KLHL11: variants seen among roughly 807,000 people sequenced by gnomAD.
The protein encoded by KLHL11 is kelch like family member 11.
Under a neutral mutation model 56.1 loss-of-function variants are expected in KLHL11, and 26 were observed. The ratio of observed to expected loss-of-function variants is 0.46; its 90% confidence interval spans 0.34 to 0.64. The LOEUF (loss-of-function observed/expected upper bound fraction) is 0.64. KLHL11 is among the 30% of genes least tolerant of loss of function. KLHL11 has a pLI of 0.01. For missense variants in KLHL11, 627 were observed against 919.4 expected (o/e 0.68, Z 4.11); for synonymous variants, 338 against 345.8 (o/e 0.98, Z 0.25).
In KLHL11 at chr17:41,851,677, G is replaced by A. The variant is rs1204051983; in HGVS notation, c.*2063C>T. Among the ~76,000 whole-genome samples the A allele has an allele frequency of 2.0e-5, 3 of 151,986 alleles. No individual in the cohort carries two copies. Among genetic ancestry groups the A allele is most frequent in the Admixed American group, 6.6e-5 (1 of 15,240 alleles). ...TCCTAGCACCCTGGGAGGCTGATAC[G>A]GGTGGATCTCCTGAGCCCAGGAGTT... On this transcript the variant is annotated 3_prime_UTR_variant, in exon 2 of 2. Coordinates refer to ENST00000319121, the MANE Select transcript of KLHL11 (RefSeq NM_018143.3).
At position 41,853,703 on chromosome 17, in the gene KLHL11, C is replaced by G. The variant is rs17498875; in HGVS notation, c.*37G>C. The G allele has an allele frequency of 1.2e-5, 18 of 1,553,000 alleles. No individual in the cohort carries two copies. The highest frequency in any genetic ancestry group is 1.5e-5 in the Non-Finnish European group (17 of 1,148,928). On this transcript the variant is annotated 3_prime_UTR_variant, in exon 2 of 2. Coordinates refer to ENST00000319121, the MANE Select transcript of KLHL11 (RefSeq NM_018143.3). ...CCTGGGTATCTTCAGCTTCACGAAACGGGTGTAACAGTTTTAATCGGCACG... is the reference window on the plus strand; with the variant it reads ...CCTGGGTATCTTCAGCTTCACGAAAGGGGTGTAACAGTTTTAATCGGCACG...
At position 41,865,189 on chromosome 17, in the gene KLHL11, C is replaced by T; in HGVS notation, c.182G>A (p.Gly61Glu). Residue 61 changes from glycine (G) to glutamate (E), a missense_variant, in exon 1 of 2, where the codon GGG (glycine) becomes GAG (glutamate). This residue lies in a region of KLHL11 where 121 missense variants were observed against 116.2 expected (regional missense o/e 1.04). Coordinates refer to ENST00000319121, the MANE Select transcript of KLHL11 (RefSeq NM_018143.3). ...CTCGGCTTCTGGGCCCGGATCGCCCCCGCTCGCCTCCATTGCAGAGATCCC... is the reference window on the plus strand; with the variant it reads ...CTCGGCTTCTGGGCCCGGATCGCCCTCGCTCGCCTCCATTGCAGAGATCCC... ...GPGISAMEAS[G>E]GDPGPEAEDF... 1 of 1,609,362 alleles carries T rather than the reference C, an allele frequency of 6.2e-7. No homozygotes were observed. The highest frequency in any genetic ancestry group is 8.5e-7 in the Non-Finnish European group (1 of 1,178,602).
At position 41,849,984 on chromosome 17, in the gene KLHL11, C is replaced by G. The variant is rs1379530338; in HGVS notation, c.*3756G>C. The G allele has an allele frequency of 1.3e-5, 2 of 152,182 alleles. No individual in the cohort carries two copies. The highest frequency in any genetic ancestry group is 2.9e-5 in the Non-Finnish European group (2 of 68,014). 9.4% of individuals were successfully genotyped at this position (152,182 alleles called of 1,614,324 possible). On this transcript the variant is annotated 3_prime_UTR_variant, in exon 2 of 2. Coordinates refer to ENST00000319121, the MANE Select transcript of KLHL11 (RefSeq NM_018143.3). ...TTTGCTTGAATACGCATTAAGCTGTCTTTCTAAAGTCATGTTTTTAACTGC... is the reference window on the plus strand; with the variant it reads ...TTTGCTTGAATACGCATTAAGCTGTGTTTCTAAAGTCATGTTTTTAACTGC...
At chr17:41,861,614 A>G (rs1555623060) in intron 1 of KLHL11, among the ~76,000 whole-genome samples, 6 of 146,458 alleles carry the variant, frequency 4.1e-5, no homozygotes, top group African/African-American at 1.5e-4. Context: ...TGAACCCGGC[A>G]GGCAGAGGTT....
rs1555622414 is a variant in KLHL11 at position 41,855,219 on chromosome 17, G to C, written c.648C>G (p.Thr216=). Residue 216 remains threonine (T), a synonymous_variant, in exon 2 of 2, where the codon ACC becomes ACG. Transcript: ENST00000319121. ...VAIHSLAHMY[T]LSQLALKAAD... is the part of the protein sequence containing the mutation. ...CAGCCTTCAGAGCAAGTTGGCTCAG[G>C]GTGTACATGTGTGCTAAGCTATGAA... 1 of 1,613,852 alleles carries C rather than the reference G, an allele frequency of 6.2e-7. No individual in the cohort carries two copies. Among genetic ancestry groups the C allele is most frequent in the Non-Finnish European group, 8.5e-7 (1 of 1,179,950 alleles).
At chr17:41,858,694 A>C (rs996068268) in intron 1 of KLHL11, among the ~76,000 whole-genome samples, 43 of 152,184 alleles carry the variant, frequency 2.8e-4, no homozygotes, top group African/African-American at 9.9e-4. Context: ...TCGGCCACCC[A>C]AAGTGCTGGG....
At chr17:41,857,643 C>A (rs1555622676) in intron 1 of KLHL11, among the ~76,000 whole-genome samples, 1 of 151,530 alleles carries the variant, frequency 6.6e-6, no homozygotes, top group African/African-American at 2.4e-5. Flanking sequence ...TATAAAAACA[C>A]AAAATAGAGT....
At chr17:41,861,873 C>A (rs1322255088) in intron 1 of KLHL11, among the ~76,000 whole-genome samples, 1 of 152,094 alleles carries the variant, frequency 6.6e-6, no homozygotes, top group Non-Finnish European at 1.5e-5. Flanking sequence ...CAGCAGCACA[C>A]AGACATGCTC....
intron 1 of KLHL11, among the ~76,000 whole-genome samples, chr17:41,864,456 TA>T (rs1481696463): frequency 6.6e-6 from 1 of 152,254 alleles, no homozygotes; most frequent in African/African-American, 2.4e-5. Flanking sequence ...CACGGTCAGT[TA>T]TTTTTTGACA....
At chr17:41,860,618 C>T (rs2048397005) in intron 1 of KLHL11, among the ~76,000 whole-genome samples, 1 of 152,146 alleles carries the variant, frequency 6.6e-6, no homozygotes, top group Non-Finnish European at 1.5e-5. Flanking sequence ...GATGATATGA[C>T]AGAATCAAAC....
Position 41,849,664 on chromosome 17 carries a change from T to C in KLHL11, c.*4076A>G. The C allele has an allele frequency of 6.6e-6, 1 of 151,986 alleles. No individual in the cohort carries two copies. The highest frequency in any genetic ancestry group is 3.2e-3 in the Middle Eastern group (1 of 312). 9.4% of individuals were successfully genotyped at this position (151,986 alleles called of 1,614,324 possible). A position where few individuals can be genotyped will look rare whatever the true frequency, so the allele number is the denominator to read the frequency against. ...TTATGTCATGAATTTTAAGAGTTTT[T>C]AGCAAAAAAGATATTTTTGAACTGG... On this transcript the variant is annotated 3_prime_UTR_variant, in exon 2 of 2. Coordinates refer to ENST00000319121, the MANE Select transcript of KLHL11 (RefSeq NM_018143.3).
At chr17:41,858,404 A>ATAT (rs77155969) in intron 1 of KLHL11, among the ~76,000 whole-genome samples, 13 of 66,944 alleles carry the variant, frequency 1.9e-4, no homozygotes, top group African/African-American at 5.1e-4. Flanking sequence ...ATATATATAT[A>ATAT]TTTTTTGTTG....
Position 41,865,344 on chromosome 17 carries a change from CGCCGCCGCCACTGCCGCA to C in KLHL11, c.9_26del (p.Val6_Ala11del). The stretch of plus-strand genomic sequence containing the variant: ...GAGATGCAGCCGCGGCCGCCGCCGC[CGCCGCCGCCACTGCCGCA>C]GCCGCCATCTTGACGCCGCTGCGCC... On this transcript the variant is annotated inframe_deletion, in exon 1 of 2. Transcript: ENST00000319121. 2.1e-6 allele frequency: 3 copies of C among 1,440,962 alleles called. No homozygotes were observed. Among genetic ancestry groups the C allele is most frequent in the Non-Finnish European group, 2.7e-6 (3 of 1,110,650 alleles). The allele number at this position is 1,440,962 out of a possible 1,614,324, so 89.3% of individuals were successfully genotyped here. A position where few individuals can be genotyped will look rare whatever the true frequency, so the allele number is the denominator to read the frequency against.
chr17:41,865,263 C>T lies in KLHL11; in HGVS notation c.108G>A (p.Leu36=), dbSNP rs1567876555. The part of the protein sequence containing the change: ...METAAAGSAG[L]AAEVRGSGTV... ...TGCCGCTGCCTCGGACCTCGGCGGC[C>T]AGTCCTGCCGAGCCGGCGGCGGCCG... Residue 36 remains leucine (L), a synonymous_variant, in exon 1 of 2, where the codon CTG becomes CTA. Transcript: ENST00000319121. 2.5e-6 allele frequency: 4 copies of T among 1,583,154 alleles called. No individual in the cohort carries two copies. The highest frequency in any genetic ancestry group is 1.7e-5 in the Admixed American group (1 of 57,420).
In KLHL11 at chr17:41,864,924, G is replaced by A; in HGVS notation, c.447C>T (p.Pro149=). The A allele has an allele frequency of 6.2e-7, 1 of 1,610,660 alleles. No homozygotes were observed. The highest frequency in any genetic ancestry group is 8.5e-7 in the Non-Finnish European group (1 of 1,178,870). The change falls in exon 1 of 2, where the codon CCC becomes CCT. Residue 149 remains proline (P), a synonymous_variant. Transcript: ENST00000319121. ...TTACGGCTTCCACTGTGTCGGGTTCGGGCCCCGGCTCGGAGCTCCACTTGC... is the reference window on the plus strand; with the variant it reads ...TTACGGCTTCCACTGTGTCGGGTTCAGGCCCCGGCTCGGAGCTCCACTTGC... ...EMRKWSSEPG[P]EPDTVEAVIE...
At chr17:41,862,911 C>T (rs2048413536) in intron 1 of KLHL11, among the ~76,000 whole-genome samples, 1 of 152,190 alleles carries the variant, frequency 6.6e-6, no homozygotes, top group African/African-American at 2.4e-5. Context: ...ATCTTACTCC[C>T]AAACAGGCTC....
At position 41,852,428 on chromosome 17, in the gene KLHL11, C is replaced by A. The variant is rs767874876; in HGVS notation, c.*1312G>T. ...AATATAACAATCAGAAATAATAAGG[C>A]TTCTCTTTAGCAACATTTCTCTAAA... On this transcript the variant is annotated 3_prime_UTR_variant, in exon 2 of 2. Transcript: ENST00000319121. 6.6e-6 allele frequency among the ~76,000 whole-genome samples: 1 copy of A among 152,122 alleles called. No homozygotes were observed. The highest frequency in any genetic ancestry group is 1.5e-5 in the Non-Finnish European group (1 of 68,018).
In KLHL11 at chr17:41,854,276, T is replaced by G; in HGVS notation, c.1591A>C (p.Thr531Pro). ...KAVITCYDTE[T>P]RQWQDVESLP... The stretch of plus-strand genomic sequence containing the variant: ...GATTCCACATCTTGCCACTGTCGAG[T>G]CTCTGTATCATAGCAAGTAATTACA... Residue 531 changes from threonine to proline, a missense_variant, in exon 2 of 2, where the codon ACT becomes CCT. Physicochemically the swap from Thr to Pro is conservative, Grantham distance 38. Around this residue, in one of 4 missense-constraint regions of KLHL11, gnomAD observed 250 missense variants for 360.6 expected, o/e 0.69. Transcript: ENST00000319121. This position sits in a 1 kb window ranked among gnomAD's most constrained non-coding sequence, Gnocchi z 4.9. 1 of 1,614,130 alleles carries G rather than the reference T, an allele frequency of 6.2e-7. No individual in the cohort carries two copies. Among genetic ancestry groups the G allele is most frequent in the Non-Finnish European group, 8.5e-7 (1 of 1,180,030 alleles).
At chr17:41,858,394 A>ATT (rs2048379988) in intron 1 of KLHL11, among the ~76,000 whole-genome samples, 1 of 81,074 alleles carries the variant, frequency 1.2e-5, no homozygotes, top group Admixed American at 1.5e-4. Flanking sequence ...ACCCAGATAT[A>ATT]TATATATATA....
Sources: gnomAD v4.1 joint callset for allele counts (sites outside exome capture counted in the v4.1 genomes callset) on GRCh38, gnomAD v4.1.1 for gene constraint, gnomAD v4.1.1 regional missense constraint, Gnocchi (gnomAD v3.1) non-coding constraint, MANE v1.5 for transcripts, NCBI Gene and HGNC (gene_info 2026-07-23, HGNC 2026-07-21) for gene names.